Variants in GPR89B observed in about 807,000 individuals in gnomAD.
GPR89B encodes golgi pH regulator B.
Under a neutral mutation model 52.4 loss-of-function variants are expected in GPR89B, and 25 were observed. The ratio of observed to expected loss-of-function variants is 0.48; its 90% CI spans 0.35 to 0.67. The LOEUF (loss-of-function observed/expected upper bound fraction) is 0.67, where lower values mean the gene tolerates loss of function less well. Ranked by LOEUF, GPR89B falls within the 30% of genes least tolerant of loss-of-function variation. The pLI is 0.01. For missense variants in GPR89B, 146 were observed against 450.2 expected, an observed-to-expected ratio of 0.32 and a Z score of 6.11; for synonymous variants, 52 against 151.2, an observed-to-expected ratio of 0.34 and a Z score of 4.81.
In GPR89B at chr1:147,968,957, T is replaced by C. The variant is rs1657230319; in HGVS notation, c.810T>C (p.Ala270=). ...QLFLETADLY[A]TKERIEYSKT... is the part of the protein sequence containing the mutation. ...TTCTGGAAACAGCTGATCTATATGCTACCAAGGTACAGAGCAAGGAAACTG... is the reference window on the plus strand; with the variant it reads ...TTCTGGAAACAGCTGATCTATATGCCACCAAGGTACAGAGCAAGGAAACTG... Residue 270 remains alanine, a synonymous_variant, in exon 9 of 14, where the codon GCT becomes GCC. Transcript: ENST00000314163. The C allele has an allele frequency of 1.2e-6, 2 of 1,604,006 alleles. No homozygotes were observed. Among genetic ancestry groups the C allele is most frequent in the African/African-American group, 1.4e-5 (1 of 73,402 alleles).
the GPR89B span, among the ~76,000 whole-genome samples, chr1:148,005,962 C>A: frequency 6.6e-6 from 1 of 152,098 alleles, no homozygotes; most frequent in Non-Finnish European, 1.5e-5. Flanking sequence ...CACCCTTTCA[C>A]AGAACACTCC....
At position 147,929,831 on chromosome 1, in the gene GPR89B, A is replaced by T. The variant is rs587630208; in HGVS notation, c.42+1253A>T. On this transcript the variant is annotated intron_variant, in intron 1 of 13. Transcript: ENST00000314163. ...ATTTACCACCTTTTCTATAGTTTTC[A>T]TAAGTATTGTTTTTATTGGCTGCAT... 2.0e-5 allele frequency among the ~76,000 whole-genome samples: 3 copies of T among 152,268 alleles called. No homozygotes were observed. The South Asian group carries it at 6.2e-4, about 32-fold the overall frequency.
At chr1:147,990,551 A>G (rs1326433885) in intron 12 of GPR89B, among the ~76,000 whole-genome samples, 61 of 152,282 alleles carry the variant, frequency 4.0e-4, no homozygotes, top group African/African-American at 1.4e-3. Context: ...GTTATTGCCT[A>G]GGTTTTCTTC....
chr1:148,000,820 T>TGCA, the GPR89B span, among the ~76,000 whole-genome samples: 1 of 144,540 alleles, frequency 6.9e-6, no homozygotes. Context: ...CCTTAAAACA[T>TGCA]GCAGTAGTGG....
At chr1:147,955,275 A>G (rs1205975315) in intron 7 of GPR89B, among the ~76,000 whole-genome samples, 4 of 152,082 alleles carry the variant, frequency 2.6e-5, no homozygotes, top group African/African-American at 9.7e-5. Context: ...TTGTACATGT[A>G]TGCCATATTT....
At chr1:147,951,467 C>T (rs1553251035) in intron 5 of GPR89B, among the ~76,000 whole-genome samples, 1 of 151,970 alleles carries the variant, frequency 6.6e-6, no homozygotes, top group Non-Finnish European at 1.5e-5. Context: ...CTATAAACTT[C>T]TTTTAAGAAG....
In GPR89B at chr1:147,980,840, A is replaced by AG. The variant is rs1446913721; in HGVS notation, c.910-5359_910-5358insG. 2.4e-3 allele frequency among the ~76,000 whole-genome samples: 364 copies of AG among 149,224 alleles called. 4 individuals are homozygous for AG. Among genetic ancestry groups the AG allele is most frequent in the African/African-American group, 8.6e-3 (344 of 40,160 alleles). ...TCTCAAAAAAAAAAAAAAAAAAAAAAAAAAAAGAAATTCCATACTCATTAG... is the reference window on the plus strand; with the variant it reads ...TCTCAAAAAAAAAAAAAAAAAAAAAAGAAAAAAGAAATTCCATACTCATTAG... On this transcript the variant is annotated intron_variant, in intron 10 of 13. Coordinates refer to ENST00000314163, the MANE Select transcript of GPR89B (RefSeq NM_016334.5).
the GPR89B span, among the ~76,000 whole-genome samples, chr1:148,004,188 A>G: frequency 6.3e-5 from 9 of 143,878 alleles, no homozygotes; most frequent in African/African-American, 2.0e-4. Context: ...ATGGAGTGTC[A>G]CTCTTTCGCC....
the GPR89B span, among the ~76,000 whole-genome samples, chr1:148,025,021 G>A: frequency 6.6e-6 from 1 of 151,812 alleles, no homozygotes; most frequent in Non-Finnish European, 1.5e-5. Context: ...ATTATGCTGG[G>A]CAATCAGGTG....
At chr1:148,006,475 T>C in the GPR89B span, among the ~76,000 whole-genome samples, 1 of 151,990 alleles carries the variant, frequency 6.6e-6, no homozygotes, top group Non-Finnish European at 1.5e-5. Context: ...AATAGAGCAG[T>C]TCCCCCTTAA....
the GPR89B span, among the ~76,000 whole-genome samples, chr1:148,002,689 A>G: frequency 6.6e-6 from 1 of 152,216 alleles, no homozygotes; most frequent in South Asian, 2.1e-4. Flanking sequence ...ATTGTCTGAT[A>G]AGCCAAGTTC....
chr1:147,973,354 T>A (rs1391916121), intron 10 of GPR89B, among the ~76,000 whole-genome samples: 2 of 152,102 alleles, frequency 1.3e-5, no homozygotes, highest in Non-Finnish European at 2.9e-5. Context: ...ATTGCCATTC[T>A]GACTGGTGTG....
intron 12 of GPR89B, among the ~76,000 whole-genome samples, chr1:147,990,584 C>G (rs1328593515): frequency 1.3e-5 from 2 of 152,164 alleles, no homozygotes; most frequent in Admixed American, 6.5e-5. Context: ...GGTTTTACAT[C>G]TAACATTTAA....
intron 10 of GPR89B, among the ~76,000 whole-genome samples, chr1:147,971,898 C>A (rs1177482674): frequency 6.6e-6 from 1 of 151,484 alleles, no homozygotes; most frequent in Non-Finnish European, 1.5e-5. Flanking sequence ...ACCATCACCA[C>A]GGTCAAGACA....
chr1:147,951,774 A>T (rs1189409933), intron 5 of GPR89B, among the ~76,000 whole-genome samples: 1 of 151,942 alleles, frequency 6.6e-6, no homozygotes, highest in Non-Finnish European at 1.5e-5. Flanking sequence ...CACCAAGATT[A>T]TCACTAGCAA....
chr1:147,936,545 G>C, intron 1 of GPR89B, 82 bp from the exon 2 acceptor site: 1 of 870,294 alleles, frequency 1.1e-6, no homozygotes, highest in South Asian at 1.5e-5. Flanking sequence ...CTAGTTAGCA[G>C]ACCTTTTATC....
chr1:148,019,650 A>T, the GPR89B span, among the ~76,000 whole-genome samples: 1 of 152,110 alleles, frequency 6.6e-6, no homozygotes, highest in Non-Finnish European at 1.5e-5. Flanking sequence ...GAACGGTGCA[A>T]ATCTATACCA....
chr1:147,991,434 C>A (rs2149097274), intron 12 of GPR89B, among the ~76,000 whole-genome samples: 1 of 152,212 alleles, frequency 6.6e-6, no homozygotes, highest in East Asian at 1.9e-4. Flanking sequence ...ATTGAATATC[C>A]TTTATTTCTT....
At chr1:147,947,299 C>T (rs1655056835) in intron 5 of GPR89B, among the ~76,000 whole-genome samples, 1 of 151,294 alleles carries the variant, frequency 6.6e-6, no homozygotes, top group Non-Finnish European at 1.5e-5. Flanking sequence ...GATCGTGCCA[C>T]TCCCCTCCAG....
Sources: allele counts gnomAD v4.1 joint callset (sites outside exome capture counted in the v4.1 genomes callset), GRCh38; gene constraint gnomAD v4.1.1; transcripts MANE v1.5; gene names NCBI Gene and HGNC (gene_info 2026-07-23, HGNC 2026-07-21).